The following CDK13 variants were observed in gnomAD, a reference collection of about 807,000 sequenced individuals.
The protein encoded by CDK13 is cyclin-dependent kinase 13.
In CDK13, 40 loss-of-function variants were observed where a neutral mutation model predicts 137.6. The observed-to-expected ratio is 0.29, with a 90% CI of 0.23 to 0.38. CDK13 has a LOEUF of 0.38. Among genes scored for constraint, CDK13 ranks in the 10% least tolerant of loss-of-function variants. CDK13 has a pLI of 1.00. For synonymous variants in CDK13, 869 were observed against 760.1 expected (o/e 1.14, Z -2.36); for missense variants, 1,704 against 1,951.8 (o/e 0.87, Z 2.39).
Position 40,094,550 on chromosome 7 carries a change from G to C in CDK13, c.4109G>C (p.Gly1370Ala). The change falls in exon 14 of 14, where the codon GGA (glycine) becomes GCA (alanine). Residue 1370 changes from glycine to alanine, a missense_variant. Around this residue, in one of 5 missense-constraint regions of CDK13, gnomAD observed 475 missense variants for 579.3 expected, o/e 0.82. Transcript: ENST00000181839. ...CCACTAGAACGACGTAGTTTCATTG[G>C]AAATTCAGATATTCAGTCTTTGGAT... ...APPLERRSFI[G>A]NSDIQSLDNY... The C allele has an allele frequency of 6.2e-7, 1 of 1,611,580 alleles. No homozygotes were observed. Among genetic ancestry groups the C allele is most frequent in the Non-Finnish European group, 8.5e-7 (1 of 1,178,736 alleles).
At chr7:40,062,532 G>A (rs952682549) in intron 7 of CDK13, 2 of 243,328 alleles carry the variant, frequency 8.2e-6, no homozygotes, top group South Asian at 1.1e-4. Context: ...TGCCAGCCTC[G>A]GCCTCCCAGA....
chr7:40,031,221 T>C (rs534569984), intron 5 of CDK13, among the ~76,000 whole-genome samples: 1 of 152,190 alleles, frequency 6.6e-6, no homozygotes. Flanking sequence ...TGCCGTTCTC[T>C]GATGAAATAT....
chr7:39,979,293 C>T (rs1044412900), intron 1 of CDK13, among the ~76,000 whole-genome samples: 11 of 150,606 alleles, frequency 7.3e-5, no homozygotes, highest in African/African-American at 1.2e-4. Flanking sequence ...CTCGGTTCAC[C>T]GCAACCTCCG....
intron 5 of CDK13, among the ~76,000 whole-genome samples, chr7:40,005,129 G>A (rs1784769826): frequency 6.7e-6 from 1 of 149,296 alleles, no homozygotes; most frequent in African/African-American, 2.5e-5. Flanking sequence ...AGCCGAGATT[G>A]CACCATTGCA....
intron 7 of CDK13, among the ~76,000 whole-genome samples, chr7:40,052,052 G>C (rs970621347): frequency 3.2e-4 from 49 of 152,170 alleles, no homozygotes; most frequent in African/African-American, 1.1e-3. Flanking sequence ...CATTGCTCCA[G>C]TGGTTTTCAA....
intron 5 of CDK13, among the ~76,000 whole-genome samples, chr7:40,029,016 G>A (rs1785307036): frequency 6.6e-6 from 1 of 151,962 alleles, no homozygotes; most frequent in Non-Finnish European, 1.5e-5. Flanking sequence ...GGTTTGAGCT[G>A]CATGGGTTCA....
chr7:39,950,688 G>C lies in CDK13; in HGVS notation c.47G>C (p.Ser16Thr), dbSNP rs769526109. The change falls in exon 1 of 14, where the codon AGC (serine) becomes ACC (threonine). Residue 16 changes from serine (S) to threonine (T), a missense_variant. Transcript: ENST00000181839. ...DTALGGGGGL[S>T]WAEKKLEERR... ...GCGCTGGGGGGAGGCGGGGGCCTGA[G>C]CTGGGCGGAGAAGAAGTTGGAGGAA... is the stretch of plus-strand genomic sequence containing the variant. The C allele has an allele frequency of 6.3e-6, 9 of 1,429,250 alleles. No homozygotes were observed. In the Admixed American group the frequency reaches 1.1e-4, roughly 18 times the overall value. 88.5% of individuals were successfully genotyped at this position (1,429,250 alleles called of 1,614,324 possible). A position where few individuals can be genotyped will look rare whatever the true frequency, so the allele number is the denominator to read the frequency against.
At chr7:39,976,321 T>TCACACACACACACACACACA (rs1248415358) in intron 1 of CDK13, among the ~76,000 whole-genome samples, 5 of 35,966 alleles carry the variant, frequency 1.4e-4, no homozygotes, top group South Asian at 1.2e-3. Flanking sequence ...TCTCTCTCTC[T>TCACACACACACACACACACA]CTCACACACA....
intron 9 of CDK13, chr7:40,071,055 C>T (rs1253969253): frequency 6.6e-6 from 1 of 151,982 alleles, no homozygotes; most frequent in Non-Finnish European, 1.5e-5. Context: ...ATTTTTTAAA[C>T]TTTAAAGGAA....
rs141986436 is a variant in CDK13, at chr7:39,987,992, C to T, written c.1605C>T (p.Asp535=). 3.9e-5 allele frequency: 63 copies of T among 1,613,684 alleles called. No individual in the cohort carries two copies. The Admixed American group carries it at 8.5e-4, about 22-fold the overall frequency. The change falls in exon 2 of 14, where the codon GAC becomes GAT. Residue 535 remains aspartate (D), a synonymous_variant. Coordinates refer to ENST00000181839, the MANE Select transcript of CDK13 (RefSeq NM_003718.5). ...SPSSGGTLKN[D]KAKTKPPLQV... is the part of the protein sequence containing the mutation. ...CAAGTGGTGGAACTTTAAAAAATGA[C>T]AAAGCAAAAACAAAGCCACCTCTTC...
chr7:40,057,096 A>G (rs1164548224), intron 7 of CDK13, among the ~76,000 whole-genome samples: 1 of 152,124 alleles, frequency 6.6e-6, no homozygotes, highest in African/African-American at 2.4e-5. Flanking sequence ...CTCTACTAAA[A>G]CTACAAAAAT....
intron 11 of CDK13, among the ~76,000 whole-genome samples, chr7:40,087,862 A>G (rs1786826537): frequency 6.6e-6 from 1 of 152,006 alleles, no homozygotes; most frequent in African/African-American, 2.4e-5. Context: ...TTATGAATAT[A>G]TATTCTTCAT....
chr7:40,034,464 A>G (rs1432393372), intron 5 of CDK13, among the ~76,000 whole-genome samples: 2 of 152,000 alleles, frequency 1.3e-5, no homozygotes, highest in African/African-American at 4.8e-5. Context: ...TTTTTTTTCT[A>G]TATTTTACTT....
At chr7:39,963,146 T>C (rs542740777) in intron 1 of CDK13, among the ~76,000 whole-genome samples, 1 of 152,302 alleles carries the variant, frequency 6.6e-6, no homozygotes, top group African/African-American at 2.4e-5. Flanking sequence ...AGTAGTTTTT[T>C]CCAATTCTGT....
intron 5 of CDK13, among the ~76,000 whole-genome samples, chr7:40,037,894 GTA>G (rs1479622675): frequency 1.3e-5 from 2 of 152,262 alleles, no homozygotes; most frequent in East Asian, 3.9e-4. Context: ...CCCCCCAGCT[GTA>G]TATAGTCAGT....
chr7:39,976,386 T>C (rs1018062389), intron 1 of CDK13, among the ~76,000 whole-genome samples: 1 of 145,358 alleles, frequency 6.9e-6, no homozygotes, highest in Non-Finnish European at 1.5e-5. Flanking sequence ...AAAGAGATAG[T>C]GTGGTAGCAA....
In CDK13 at chr7:40,093,243, T is replaced by C. The variant is rs752376601; in HGVS notation, c.3688+6T>C. ...ACCTAGCACTCCGGTGTCGGGTAAGTGTGCAGATACCAGACCACTAACACA... is the reference window on the plus strand; with the variant it reads ...ACCTAGCACTCCGGTGTCGGGTAAGCGTGCAGATACCAGACCACTAACACA... On this transcript the variant is annotated splice_donor_region_variant and intron_variant, in intron 13 of 13. Transcript: ENST00000181839. The C allele has an allele frequency of 6.2e-7, 1 of 1,603,974 alleles. No homozygotes were observed. Among genetic ancestry groups the C allele is most frequent in the South Asian group, 1.1e-5 (1 of 89,722 alleles).
chr7:40,093,089 G>C lies in CDK13; in HGVS notation c.3540G>C (p.Gln1180His), dbSNP rs773108925. The C allele has an allele frequency of 6.2e-7, 1 of 1,614,190 alleles. No individual in the cohort carries two copies. Among genetic ancestry groups the C allele is most frequent in the Middle Eastern group, 1.6e-4 (1 of 6,062 alleles). Residue 1180 changes from glutamine (Q) to histidine (H), a missense_variant, in exon 13 of 14, where the codon CAG becomes CAC. This residue lies in a region of CDK13 where 475 missense variants were observed against 579.3 expected (regional missense o/e 0.82). Transcript: ENST00000181839. ...VETDAAQAAV[Q>H]SAFAVLLTQL... Reference sequence around the variant, plus strand: ...CTGATGCTGCCCAGGCGGCTGTGCAGAGTGCATTTGCAGTTCTGTTGACTC... The same window carrying C: ...CTGATGCTGCCCAGGCGGCTGTGCACAGTGCATTTGCAGTTCTGTTGACTC...
At chr7:39,975,524 A>AT (rs1471891030) in intron 1 of CDK13, among the ~76,000 whole-genome samples, 3 of 152,230 alleles carry the variant, frequency 2.0e-5, no homozygotes, top group Non-Finnish European at 1.5e-5. Context: ...GAAATCTCCT[A>AT]TTTTGTAGTA....
Sources: allele counts gnomAD v4.1 joint callset (sites outside exome capture counted in the v4.1 genomes callset), GRCh38; gene constraint gnomAD v4.1.1; regional missense constraint gnomAD v4.1.1; transcripts MANE v1.5; gene names NCBI Gene and HGNC (gene_info 2026-07-23, HGNC 2026-07-21).